ZC2HC1B: variants seen among roughly 807,000 people sequenced by gnomAD.
ZC2HC1B encodes the protein zinc finger C2HC domain-containing protein 1B.
ZC2HC1B carries 36 observed loss-of-function variants against 31.0 expected under a neutral mutation model. The observed-to-expected ratio is 1.16, with a 90% CI of 0.89 to 1.54. The LOEUF (loss-of-function observed/expected upper bound fraction) is 1.54. ZC2HC1B is among the 40% of genes most tolerant of loss of function. The probability of loss-of-function intolerance (pLI) is 0.00; values close to 1 mark genes in which losing one functional copy is unlikely to be tolerated. For synonymous variants in ZC2HC1B, 73 were observed against 88.0 expected (o/e 0.83, Z 0.95); for missense variants, 260 against 268.6 (o/e 0.97, Z 0.22).
chr6:143,904,967 G>C lies in ZC2HC1B; in HGVS notation c.598+1815G>C, dbSNP rs183691731. ...CTTTATGCCAGTATTATATTTCCTT[G>C]ATTACTATAGCTTTTAGTAAGTTTT... On this transcript the variant is annotated intron_variant, in intron 6 of 7. Coordinates refer to ENST00000237275, the MANE Select transcript of ZC2HC1B (RefSeq NM_001013623.3). Among the ~76,000 whole-genome samples the C allele has an allele frequency of 4.7e-4, 72 of 152,200 alleles. 1 individual carries two copies. The highest frequency in any genetic ancestry group is 1.7e-3 in the African/African-American group (71 of 41,530).
intron 6 of ZC2HC1B, among the ~76,000 whole-genome samples, chr6:143,907,009 C>A (rs907212315): frequency 1.3e-5 from 2 of 152,130 alleles, no homozygotes; most frequent in African/African-American, 4.8e-5. Flanking sequence ...CCAGCTCCCA[C>A]TTATAAGTGA....
chr6:143,897,274 G>A (rs1006671131), intron 4 of ZC2HC1B, among the ~76,000 whole-genome samples: 4 of 150,476 alleles, frequency 2.7e-5, no homozygotes, highest in Admixed American at 6.7e-5. Flanking sequence ...TCCTGGGGTC[G>A]GGGCGGTGGG....
intron 6 of ZC2HC1B, among the ~76,000 whole-genome samples, chr6:143,916,139 G>T (rs1777914373): frequency 1.3e-5 from 2 of 152,208 alleles, no homozygotes. Flanking sequence ...GGGACTTGGT[G>T]CCCTGTGTCC....
At chr6:143,902,649 T>C (rs1247938419) in intron 5 of ZC2HC1B, among the ~76,000 whole-genome samples, 9 of 152,194 alleles carry the variant, frequency 5.9e-5, no homozygotes, top group African/African-American at 2.2e-4. Flanking sequence ...CAATCTGTTT[T>C]TCTTTGTTCA....
At chr6:143,879,223 G>A (rs1777440488) in intron 1 of ZC2HC1B, among the ~76,000 whole-genome samples, 3 of 152,192 alleles carry the variant, frequency 2.0e-5, no homozygotes, top group South Asian at 2.1e-4. Context: ...AGTTTGGGAA[G>A]TAGAGTTTGG....
In ZC2HC1B at chr6:143,872,548, A is replaced by T. The variant is rs1214384693; in HGVS notation, c.28+7981A>T. On this transcript the variant is annotated intron_variant, in intron 1 of 7. Coordinates refer to ENST00000237275, the MANE Select transcript of ZC2HC1B (RefSeq NM_001013623.3). The surrounding 1 kb of genome is among the most constrained non-coding windows in gnomAD (Gnocchi z 5.5). The stretch of plus-strand genomic sequence containing the variant: ...CACTATATTTATTTTTTATTTTTTA[A>T]ATTTATGTATTAGTCTATTTTCATG... Among the ~76,000 whole-genome samples, 2 of 152,040 alleles carry T rather than the reference A, an allele frequency of 1.3e-5. No individual in the cohort carries two copies. Among genetic ancestry groups the T allele is most frequent in the Non-Finnish European group, 2.9e-5 (2 of 68,012 alleles).
At position 143,886,237 on chromosome 6, in the gene ZC2HC1B, C is replaced by T. The variant is rs1016600756; in HGVS notation, c.210+86C>T. 1.5e-6 allele frequency: 2 copies of T among 1,332,192 alleles called. No homozygotes were observed. The highest frequency in any genetic ancestry group is 1.9e-6 in the Non-Finnish European group (2 of 1,031,282). The allele number at this position is 1,332,192 out of a possible 1,614,324, so 82.5% of individuals were successfully genotyped here. On this transcript the variant is annotated intron_variant, in intron 3 of 7. Coordinates refer to ENST00000237275, the MANE Select transcript of ZC2HC1B (RefSeq NM_001013623.3). This position sits in a 1 kb window ranked among gnomAD's most constrained non-coding sequence, Gnocchi z 4.2. Reference sequence around the variant, plus strand: ...TCTGGGATTTCTGGTTTCATTTTTGCTTGATAATACAGTAATGTAATGTAA... The same window carrying T: ...TCTGGGATTTCTGGTTTCATTTTTGTTTGATAATACAGTAATGTAATGTAA...
rs367808703 is a variant in ZC2HC1B at position 143,922,196 on chromosome 6, T to C, written c.599-15453T>C. Reference sequence around the variant, plus strand: ...TTGTAATATGTGGTCTTTTTGTTGATATATAATATTTGTACATGTTTATGG... The same window carrying C: ...TTGTAATATGTGGTCTTTTTGTTGACATATAATATTTGTACATGTTTATGG... On this transcript the variant is annotated intron_variant, in intron 6 of 7. Coordinates refer to ENST00000237275, the MANE Select transcript of ZC2HC1B (RefSeq NM_001013623.3). The surrounding 1 kb of genome is among the most constrained non-coding windows in gnomAD (Gnocchi z 5.0). Among the ~76,000 whole-genome samples the C allele has an allele frequency of 2.6e-5, 4 of 152,352 alleles. No individual in the cohort carries two copies. Among genetic ancestry groups the C allele is most frequent in the African/African-American group, 9.6e-5 (4 of 41,586 alleles).
At chr6:143,937,541 A>AAT in intron 6 of ZC2HC1B, 108 bp from the exon 7 acceptor site, 3 of 972,458 alleles carry the variant, frequency 3.1e-6, no homozygotes, top group South Asian at 1.8e-5. Flanking sequence ...ACCAAAAAAA[A>AAT]GGAAGAATAG....
rs1778151078 is a variant in ZC2HC1B, at chr6:143,934,051, G to A, written c.599-3598G>A. On this transcript the variant is annotated intron_variant, in intron 6 of 7. Transcript: ENST00000237275. This position sits in a 1 kb window ranked among gnomAD's most constrained non-coding sequence, Gnocchi z 4.6. Reference sequence around the variant, plus strand: ...TGCCTACAAGGCTTGTCCCACTGCTGCTTCTACTTTTACATTTCACAGCAA... The same window carrying A: ...TGCCTACAAGGCTTGTCCCACTGCTACTTCTACTTTTACATTTCACAGCAA... 6.6e-6 allele frequency among the ~76,000 whole-genome samples: 1 copy of A among 152,182 alleles called. No individual in the cohort carries two copies. The highest frequency in any genetic ancestry group is 1.5e-5 in the Non-Finnish European group (1 of 68,030).
chr6:143,874,159 C>T (rs375614294), intron 1 of ZC2HC1B, among the ~76,000 whole-genome samples: 14 of 152,100 alleles, frequency 9.2e-5, no homozygotes, highest in East Asian at 1.9e-4. Context: ...TAGGGCGGGG[C>T]GAAATGCCAT....
chr6:143,873,502 A>G (rs967700601), intron 1 of ZC2HC1B, among the ~76,000 whole-genome samples: 1 of 152,118 alleles, frequency 6.6e-6, no homozygotes, highest in Non-Finnish European at 1.5e-5. Flanking sequence ...TCCCTTCCTC[A>G]CTGCCCTAGC....
At position 143,937,701 on chromosome 6, in the gene ZC2HC1B, ATCT is replaced by A. The variant is rs1376742418; in HGVS notation, c.655_657del (p.Ser219del). 9 of 1,551,022 alleles carry A rather than the reference ATCT, an allele frequency of 5.8e-6. No homozygotes were observed. In the African/African-American group the frequency reaches 6.8e-5, roughly 12 times the overall value. On this transcript the variant is annotated inframe_deletion, in exon 7 of 8. Coordinates refer to ENST00000237275, the MANE Select transcript of ZC2HC1B (RefSeq NM_001013623.3). The stretch of plus-strand genomic sequence containing the variant: ...CAAAACTCAGACAAGGATTTAGTAA[ATCT>A]TCTAAAAAAGATTAACTCCTAGAAG...
intron 4 of ZC2HC1B, among the ~76,000 whole-genome samples, chr6:143,891,934 G>GTAAT (rs1777607386): frequency 6.6e-6 from 1 of 152,116 alleles, no homozygotes; most frequent in African/African-American, 2.4e-5. Context: ...CTATCTGTGG[G>GTAAT]TAATTGATTT....
At chr6:143,910,636 T>G (rs546274999) in intron 6 of ZC2HC1B, among the ~76,000 whole-genome samples, 50 of 152,360 alleles carry the variant, frequency 3.3e-4, no homozygotes, top group Non-Finnish European at 6.5e-4. Context: ...GCTTTATGAA[T>G]CTACATGCTC....
rs1196748222 is a variant in ZC2HC1B, at chr6:143,921,015, G to C, written c.599-16634G>C. Among the ~76,000 whole-genome samples the C allele has an allele frequency of 2.0e-5, 3 of 151,308 alleles. No homozygotes were observed. The highest frequency in any genetic ancestry group is 4.9e-5 in the African/African-American group (2 of 41,078). ...AACCGAATCCCAAATGTAATACAAT[G>C]CTGTTTCTTCTTAATCCTGCTCCAG... On this transcript the variant is annotated intron_variant, in intron 6 of 7. Coordinates refer to ENST00000237275, the MANE Select transcript of ZC2HC1B (RefSeq NM_001013623.3). This position sits in a 1 kb window ranked among gnomAD's most constrained non-coding sequence, Gnocchi z 6.1.
chr6:143,885,227 T>A lies in ZC2HC1B; in HGVS notation c.91-805T>A, dbSNP rs1777517500. Among the ~76,000 whole-genome samples, 1 of 152,200 alleles carries A rather than the reference T, an allele frequency of 6.6e-6. No homozygotes were observed. Among genetic ancestry groups the A allele is most frequent in the African/African-American group, 2.4e-5 (1 of 41,456 alleles). On this transcript the variant is annotated intron_variant, in intron 2 of 7. Transcript: ENST00000237275. This position sits in a 1 kb window ranked among gnomAD's most constrained non-coding sequence, Gnocchi z 4.2. ...GAATTTAAAAAATGAAATAGCTGTC[T>A]TTTAGTTAACTGTGGTTAGAGCCTC...
intron 4 of ZC2HC1B, among the ~76,000 whole-genome samples, chr6:143,888,176 T>A (rs374293416): frequency 6.6e-6 from 1 of 152,162 alleles, no homozygotes; most frequent in African/African-American, 2.4e-5. Flanking sequence ...CCCCATTGAA[T>A]AATCTTGGCA....
At chr6:143,920,528 T>C (rs1295555306) in intron 6 of ZC2HC1B, among the ~76,000 whole-genome samples, 2 of 152,192 alleles carry the variant, frequency 1.3e-5, no homozygotes, top group African/African-American at 4.8e-5. Context: ...TCAGTAAATA[T>C]AAGCAAAATG....
Sources: gnomAD v4.1 joint callset for allele counts (sites outside exome capture counted in the v4.1 genomes callset) on GRCh38, gnomAD v4.1.1 for gene constraint, Gnocchi (gnomAD v3.1) non-coding constraint, MANE v1.5 for transcripts, NCBI Gene and HGNC (gene_info 2026-07-23, HGNC 2026-07-21) for gene names.